The following SHISA9 variants were observed in gnomAD, a reference collection of about 807,000 sequenced individuals.
SHISA9 encodes the protein protein shisa-9.
In SHISA9, 13 loss-of-function variants were observed where a neutral mutation model predicts 38.0. That is an observed-to-expected ratio of 0.34 (90% CI 0.22 to 0.54). The LOEUF (loss-of-function observed/expected upper bound fraction) is 0.54, where lower values mean the gene tolerates loss of function less well. Among genes scored for constraint, SHISA9 ranks in the 20% least tolerant of loss-of-function variants. The probability of loss-of-function intolerance (pLI) is 0.91; values close to 1 mark genes in which losing one functional copy is unlikely to be tolerated. For synonymous variants in SHISA9, 275 were observed against 242.0 expected (o/e 1.14, Z -1.27); for missense variants, 538 against 575.8 (o/e 0.93, Z 0.67).
At chr16:13,444,985 T>C in the SHISA9 span, among the ~76,000 whole-genome samples, 4 of 2,264 alleles carry the variant, frequency 1.8e-3, no homozygotes, top group South Asian at 0.011. Flanking sequence ...TGCCTAGCTA[T>C]ATATATATAT....
the SHISA9 span, among the ~76,000 whole-genome samples, chr16:13,538,129 T>A: frequency 6.6e-6 from 1 of 152,146 alleles, no homozygotes; most frequent in African/African-American, 2.4e-5. Flanking sequence ...CTAGAAAGAG[T>A]AGTGAAAACC....
At chr16:13,279,941 A>AT in the SHISA9 span, among the ~76,000 whole-genome samples, 1 of 151,794 alleles carries the variant, frequency 6.6e-6, no homozygotes, top group East Asian at 1.9e-4. Context: ...TATTGTCCTT[A>AT]TTTTGGTAAA....
the SHISA9 span, among the ~76,000 whole-genome samples, chr16:13,255,238 C>G: frequency 6.6e-6 from 1 of 152,060 alleles, no homozygotes; most frequent in African/African-American, 2.4e-5. Flanking sequence ...TCAATTCTTC[C>G]CCTTTCTGTC....
intron 2 of SHISA9, among the ~76,000 whole-genome samples, chr16:13,141,752 C>T (rs182338435): frequency 6.6e-6 from 1 of 152,190 alleles, no homozygotes; most frequent in East Asian, 1.9e-4. Context: ...ATGAAGAGCT[C>T]TTGTATCCTC....
the SHISA9 span, among the ~76,000 whole-genome samples, chr16:13,488,152 C>T: frequency 6.6e-6 from 1 of 152,026 alleles, no homozygotes; most frequent in African/African-American, 2.4e-5. Flanking sequence ...CTTCCCCACT[C>T]TTTCCACCTG....
At chr16:13,110,266 TC>T (rs1344799684) in intron 2 of SHISA9, among the ~76,000 whole-genome samples, 2 of 152,196 alleles carry the variant, frequency 1.3e-5, no homozygotes, top group African/African-American at 4.8e-5. Context: ...CTGCCAAGCC[TC>T]CCATTCCTGC....
intron 1 of SHISA9, chr16:12,908,767 C>A: frequency 1.4e-6 from 2 of 1,398,226 alleles, no homozygotes; most frequent in Non-Finnish European, 1.9e-6. Flanking sequence ...CCGGCAGGCC[C>A]AGACGTCTTG....
At chr16:13,141,871 G>A (rs928969609) in intron 2 of SHISA9, among the ~76,000 whole-genome samples, 2 of 152,084 alleles carry the variant, frequency 1.3e-5, no homozygotes, top group African/African-American at 4.8e-5. Context: ...TAACATAATG[G>A]CTAATCACTG....
the SHISA9 span, among the ~76,000 whole-genome samples, chr16:13,442,932 A>G: frequency 6.6e-6 from 1 of 152,314 alleles, no homozygotes; most frequent in East Asian, 1.9e-4. Flanking sequence ...GCTGCTCAAA[A>G]CAAAATACTT....
At chr16:13,041,282 G>C (rs2073128990) in intron 2 of SHISA9, among the ~76,000 whole-genome samples, 1 of 152,204 alleles carries the variant, frequency 6.6e-6, no homozygotes, top group African/African-American at 2.4e-5. Context: ...TGAACAACCT[G>C]ATCTCTCTTT....
chr16:13,493,419 G>A, the SHISA9 span, among the ~76,000 whole-genome samples: 6 of 152,168 alleles, frequency 3.9e-5, no homozygotes, highest in Non-Finnish European at 5.9e-5. Context: ...CAAAATTCCC[G>A]TGAAGAATTC....
chr16:13,551,316 T>C, the SHISA9 span, among the ~76,000 whole-genome samples: 2 of 152,270 alleles, frequency 1.3e-5, no homozygotes, highest in East Asian at 3.9e-4. Flanking sequence ...ATTCACAACC[T>C]TCAGCACATA....
chr16:13,494,458 C>A, the SHISA9 span, among the ~76,000 whole-genome samples: 3 of 151,984 alleles, frequency 2.0e-5, no homozygotes, highest in South Asian at 2.1e-4. Flanking sequence ...AAAATTAAAA[C>A]AAAAAACCAA....
At chr16:13,002,942 G>A (rs749218913) in intron 2 of SHISA9, among the ~76,000 whole-genome samples, 2 of 152,154 alleles carry the variant, frequency 1.3e-5, no homozygotes, top group Admixed American at 6.5e-5. Flanking sequence ...TAGAATTAAT[G>A]CATCTAAGAG....
chr16:13,396,434 G>A, the SHISA9 span, among the ~76,000 whole-genome samples: 3 of 152,282 alleles, frequency 2.0e-5, no homozygotes, highest in Non-Finnish European at 4.4e-5. Context: ...TTGAACTCAG[G>A]AGGTGGAGGT....
the SHISA9 span, among the ~76,000 whole-genome samples, chr16:13,496,124 C>T: frequency 6.6e-6 from 1 of 152,096 alleles, no homozygotes; most frequent in Non-Finnish European, 1.5e-5. Flanking sequence ...AAGGTTTCAG[C>T]ATTTCAAAGA....
chr16:13,461,908 C>T, the SHISA9 span, among the ~76,000 whole-genome samples: 5 of 152,032 alleles, frequency 3.3e-5, no homozygotes, highest in Admixed American at 6.5e-5. Flanking sequence ...CCACCGTGCC[C>T]GGCCTAGACT....
the SHISA9 span, among the ~76,000 whole-genome samples, chr16:13,462,681 G>A: frequency 6.6e-6 from 1 of 152,022 alleles, no homozygotes; most frequent in Non-Finnish European, 1.5e-5. Context: ...AAAAAAGTTG[G>A]GCAGGCACAG....
intron 2 of SHISA9, among the ~76,000 whole-genome samples, chr16:13,085,974 G>A (rs2073706176): frequency 6.6e-6 from 1 of 152,120 alleles, no homozygotes; most frequent in South Asian, 2.1e-4. Flanking sequence ...AAAAAAGAAT[G>A]AGAGGCCATA....
Sources: gnomAD v4.1 joint callset for allele counts (sites outside exome capture counted in the v4.1 genomes callset) on GRCh38, gnomAD v4.1.1 for gene constraint, MANE v1.5 for transcripts, NCBI Gene and HGNC (gene_info 2026-07-23, HGNC 2026-07-21) for gene names.